The following SP100 variants were observed in gnomAD, a reference collection of about 807,000 sequenced individuals.
SP100 encodes SP100 nuclear body protein, also known as nuclear autoantigen Sp-100.
SP100 carries 84 observed loss-of-function variants against 130.0 expected under a neutral mutation model. The observed-to-expected ratio is 0.65, with a 90% CI of 0.54 to 0.77. The LOEUF (loss-of-function observed/expected upper bound fraction) is 0.77, where lower values mean the gene tolerates loss of function less well. Among genes scored for constraint, SP100 ranks in the 30% least tolerant of loss-of-function variants. The pLI, the probability that SP100 is intolerant of heterozygous loss-of-function variation, is 0.00. For missense variants in SP100, 978 were observed against 1,052.2 expected, an observed-to-expected ratio of 0.93 and a Z score of 0.97; for synonymous variants, 331 against 351.7, an observed-to-expected ratio of 0.94 and a Z score of 0.66.
chr2:230,536,314 T>G (rs1280975172), intron 24 of SP100, among the ~76,000 whole-genome samples: 2 of 152,130 alleles, frequency 1.3e-5, no homozygotes, highest in African/African-American at 4.8e-5. Flanking sequence ...TGACAACCAG[T>G]TCCCCATGAT....
intron 27 of SP100, 78 bp downstream of exon 27, chr2:230,541,450 ATTCTATT>A: frequency 1.3e-5 from 16 of 1,265,382 alleles, no homozygotes; most frequent in Non-Finnish European, 1.8e-5. Flanking sequence ...ACAAGGTGCC[ATTCTATT>A]TGGCTTGTTG....
chr2:230,523,405 G>A (rs980763503), intron 24 of SP100, among the ~76,000 whole-genome samples: 9 of 152,244 alleles, frequency 5.9e-5, no homozygotes, highest in Admixed American at 3.9e-4. Context: ...GGTGACTCAC[G>A]CCTATAATTC....
intron 2 of SP100, among the ~76,000 whole-genome samples, chr2:230,429,466 AG>A (rs1338235422): frequency 6.6e-6 from 1 of 152,178 alleles, no homozygotes; most frequent in Non-Finnish European, 1.5e-5. Context: ...GGCACCTTTC[AG>A]CCCAGTGAAT....
intron 9 of SP100, 85 bp downstream of exon 9, chr2:230,461,499 C>A: frequency 1.4e-6 from 2 of 1,381,706 alleles, no homozygotes; most frequent in South Asian, 1.2e-5. Flanking sequence ...ACCATCGGGG[C>A]AGTGCAGGTA....
intron 8 of SP100, among the ~76,000 whole-genome samples, chr2:230,460,217 C>T (rs1242242060): frequency 2.6e-5 from 4 of 152,102 alleles, no homozygotes; most frequent in African/African-American, 4.8e-5. Context: ...CAGCATTATT[C>T]ATAGAAGCCA....
At chr2:230,439,889 ATC>A (rs2063415153) in intron 2 of SP100, among the ~76,000 whole-genome samples, 1 of 151,720 alleles carries the variant, frequency 6.6e-6, no homozygotes, top group Non-Finnish European at 1.5e-5. Context: ...CCCTTGTTTT[ATC>A]TCTCTAAAAA....
intron 10 of SP100, 192 bp from the exon 11 acceptor site, chr2:230,463,875 G>T: frequency 2.4e-6 from 1 of 422,330 alleles, no homozygotes; most frequent in Non-Finnish European, 4.4e-6. Context: ...TATTCCCTCT[G>T]GGGACAAGAA....
At chr2:230,515,214 A>G in intron 24 of SP100, 2 of 1,613,780 alleles carry the variant, frequency 1.2e-6, no homozygotes, top group Non-Finnish European at 1.7e-6. Flanking sequence ...AAGATATGGC[A>G]AAGGCGGACA....
intron 8 of SP100, among the ~76,000 whole-genome samples, chr2:230,456,696 C>T (rs1048346454): frequency 6.6e-6 from 1 of 152,088 alleles, no homozygotes; most frequent in Non-Finnish European, 1.5e-5. Flanking sequence ...GCTGTTGATG[C>T]TCTCTGATGC....
chr2:230,424,605 G>T (rs2062865104), intron 2 of SP100, among the ~76,000 whole-genome samples: 1 of 149,268 alleles, frequency 6.7e-6, no homozygotes, highest in Non-Finnish European at 1.5e-5. Flanking sequence ...GGAGATGAAG[G>T]TTGTAGTGAG....
chr2:230,519,880 G>A (rs749512951), intron 24 of SP100, among the ~76,000 whole-genome samples: 12 of 152,120 alleles, frequency 7.9e-5, no homozygotes, highest in Non-Finnish European at 1.3e-4. Context: ...GGTTACATGG[G>A]TCCACTTATC....
chr2:230,504,950 A>G (rs1298762825), intron 21 of SP100, among the ~76,000 whole-genome samples: 1 of 152,214 alleles, frequency 6.6e-6, no homozygotes, highest in Non-Finnish European at 1.5e-5. Flanking sequence ...GCATTTGTTT[A>G]TAACCATAAA....
intron 15 of SP100, chr2:230,470,618 T>C (rs552926934): frequency 1.5e-5 from 3 of 204,498 alleles, no homozygotes; most frequent in East Asian, 3.7e-4. Context: ...TAATATCTTA[T>C]TTTGTCATCA....
At chr2:230,480,389 A>G (rs1473085082) in intron 17 of SP100, among the ~76,000 whole-genome samples, 1 of 152,248 alleles carries the variant, frequency 6.6e-6, no homozygotes. Flanking sequence ...GGGTAAAGAA[A>G]TGTCAAGACC....
chr2:230,474,445 G>T lies in SP100; in HGVS notation c.1598G>T (p.Arg533Ile). The T allele has an allele frequency of 7.0e-7, 1 of 1,419,598 alleles. No homozygotes were observed. Among genetic ancestry groups the T allele is most frequent in the South Asian group, 1.2e-5 (1 of 83,400 alleles). 87.9% of individuals were successfully genotyped at this position (1,419,598 alleles called of 1,614,324 possible). A position where few individuals can be genotyped will look rare whatever the true frequency, so the allele number is the denominator to read the frequency against. Residue 533 changes from arginine to isoleucine, a missense_variant and splice_region_variant, in exon 17 of 29, where the codon AGA becomes ATA. By Grantham distance (97) the Arg-to-Ile change is moderately conservative. Coordinates refer to ENST00000340126, the MANE Select transcript of SP100 (RefSeq NM_001080391.2). ...NSTLEKHSGK[R>I]RKKRRHRSKV... Reference sequence around the variant, plus strand: ...ACTTTGGAAAAACACAGTGGGAAAAGAAGTAAGAACAAATAAGAATTTACT... The same window carrying T: ...ACTTTGGAAAAACACAGTGGGAAAATAAGTAAGAACAAATAAGAATTTACT...
intron 24 of SP100, among the ~76,000 whole-genome samples, chr2:230,523,182 G>C (rs984471803): frequency 2.0e-5 from 3 of 152,202 alleles, no homozygotes; most frequent in African/African-American, 7.2e-5. Context: ...GCCTTCACCA[G>C]ATAACATATC....
chr2:230,460,919 G>A lies in SP100; in HGVS notation c.821-343G>A, dbSNP rs576487263. On this transcript the variant is annotated intron_variant, in intron 8 of 28. Coordinates refer to ENST00000340126, the MANE Select transcript of SP100 (RefSeq NM_001080391.2). ...ATTACAGGCGTGAGCCACCGCGCCCGGCCGGTAATCTGTTTCTTGATCAAA... is the reference window on the plus strand; with the variant it reads ...ATTACAGGCGTGAGCCACCGCGCCCAGCCGGTAATCTGTTTCTTGATCAAA... Among the ~76,000 whole-genome samples, 5 of 21,140 alleles carry A rather than the reference G, an allele frequency of 2.4e-4. 2 individuals carry two copies. The highest frequency in any genetic ancestry group is 1.8e-3 in the African/African-American group (4 of 2,166). The allele number at this position is 21,140 out of a possible 152,430, so 13.9% of individuals were successfully genotyped here.
In SP100 at chr2:230,449,139, C is replaced by T. The variant is rs144457041; in HGVS notation, c.575C>T (p.Pro192Leu). The change falls in exon 6 of 29, where the codon CCA becomes CTA. Residue 192 changes from proline to leucine, a missense_variant. Physicochemically the swap from Pro to Leu is moderately conservative, Grantham distance 98. Transcript: ENST00000340126. ...RSLTWPPSGS[P>L]SHAGTTPPEN... ...CTGACTTGGCCACCTTCGGGTTCCC[C>T]ATCTCATGCTGGTTTGTTCCTGTTT... The T allele has an allele frequency of 2.5e-6, 4 of 1,613,888 alleles. No individual in the cohort carries two copies. The African/African-American group carries it at 5.3e-5, about 22-fold the overall frequency.
intron 24 of SP100, among the ~76,000 whole-genome samples, chr2:230,533,859 C>T (rs566565422): frequency 2.9e-4 from 44 of 152,218 alleles, no homozygotes; most frequent in African/African-American, 9.4e-4. Flanking sequence ...AGATCTTACT[C>T]TACAAACAAA....
Sources: allele counts gnomAD v4.1 joint callset (sites outside exome capture counted in the v4.1 genomes callset), GRCh38; gene constraint gnomAD v4.1.1; transcripts MANE v1.5; gene names NCBI Gene and HGNC (gene_info 2026-07-23, HGNC 2026-07-21).